The following LINGO2 variants were observed in gnomAD, a reference collection of about 807,000 sequenced individuals.
LINGO2 encodes the protein leucine-rich repeat and immunoglobulin-like domain-containing nogo receptor-interacting protein 2.
LINGO2 carries 14 observed loss-of-function variants against 30.6 expected under a neutral mutation model. That is an observed-to-expected ratio of 0.46 (90% CI 0.30 to 0.72). The LOEUF is 0.72. Among genes scored for constraint, LINGO2 ranks in the 30% least tolerant of loss-of-function variants. The pLI is 0.07. For synonymous variants in LINGO2, 317 were observed against 288.5 expected (o/e 1.10, Z -1.00); for missense variants, 729 against 751.7 (o/e 0.97, Z 0.35).
intron 1 of LINGO2, among the ~76,000 whole-genome samples, chr9:28,553,873 C>A (rs976425679): frequency 1.3e-5 from 2 of 151,928 alleles, no homozygotes; most frequent in Non-Finnish European, 2.9e-5. Flanking sequence ...AATTTTCGAC[C>A]CAGAATTTCA....
intron 1 of LINGO2, among the ~76,000 whole-genome samples, chr9:28,495,556 G>A (rs1819579912): frequency 6.6e-6 from 1 of 151,976 alleles, no homozygotes; most frequent in South Asian, 2.1e-4. Context: ...TGAGGGCTCT[G>A]TTCTGTTCCA....
At chr9:28,253,221 C>G (rs1296947847) in intron 4 of LINGO2, among the ~76,000 whole-genome samples, 1 of 152,050 alleles carries the variant, frequency 6.6e-6, no homozygotes, top group Non-Finnish European at 1.5e-5. Context: ...TATTAGAGTA[C>G]AGTTTCATTA....
Position 28,496,042 on chromosome 9 carries a change from C to A in LINGO2, c.-364-20017G>T, listed in dbSNP as rs190703231. Among the ~76,000 whole-genome samples, 2 of 150,408 alleles carry A rather than the reference C, an allele frequency of 1.3e-5. 1 individual carries two copies. The highest frequency in any genetic ancestry group is 4.0e-4 in the East Asian group (2 of 4,982). On this transcript the variant is annotated intron_variant, in intron 1 of 5. Transcript: ENST00000379992. The stretch of plus-strand genomic sequence containing the variant: ...CTGAGAGACAGTTTGTTATAATTTC[C>A]ATTCTTTTACATTTGCTGAGGAGTG...
intron 4 of LINGO2, among the ~76,000 whole-genome samples, chr9:28,077,504 A>G (rs1170183186): frequency 6.6e-6 from 1 of 152,172 alleles, no homozygotes; most frequent in African/African-American, 2.4e-5. Flanking sequence ...ACTTAAAACT[A>G]TTATTAAGTC....
intron 5 of LINGO2, among the ~76,000 whole-genome samples, chr9:27,953,313 G>A (rs981002815): frequency 5.3e-5 from 8 of 151,888 alleles, no homozygotes; most frequent in African/African-American, 1.9e-4. Flanking sequence ...GAAAATAAGC[G>A]AACTACTATA....
chr9:28,451,198 T>C (rs1824635535), intron 2 of LINGO2, among the ~76,000 whole-genome samples: 1 of 151,928 alleles, frequency 6.6e-6, no homozygotes, highest in Non-Finnish European at 1.5e-5. Context: ...TTGGGTATAA[T>C]GTTTCAATAA....
the LINGO2 span, among the ~76,000 whole-genome samples, chr9:28,848,330 T>G: frequency 3.5e-5 from 4 of 115,356 alleles, no homozygotes; most frequent in African/African-American, 1.6e-4. Context: ...TGTATATATA[T>G]ACATATATAG....
intron 4 of LINGO2, among the ~76,000 whole-genome samples, chr9:28,142,958 G>C (rs1827715516): frequency 1.3e-5 from 2 of 152,088 alleles, no homozygotes; most frequent in Admixed American, 1.3e-4. Flanking sequence ...CTGGTCTATG[G>C]GGAGTTTTGT....
At chr9:28,328,728 C>A (rs1203598480) in intron 3 of LINGO2, among the ~76,000 whole-genome samples, 1 of 152,080 alleles carries the variant, frequency 6.6e-6, no homozygotes, top group Admixed American at 6.6e-5. Context: ...ATGCAATGTA[C>A]ATAAAAATAT....
chr9:28,078,895 AGTGGG>A (rs1825699472), intron 4 of LINGO2, among the ~76,000 whole-genome samples: 1 of 148,482 alleles, frequency 6.7e-6, no homozygotes, highest in South Asian at 2.1e-4. Flanking sequence ...TTATAGGCCA[AGTGGG>A]AGCACATTTC....
chr9:28,071,187 G>A (rs940427866), intron 4 of LINGO2, among the ~76,000 whole-genome samples: 5 of 152,126 alleles, frequency 3.3e-5, no homozygotes, highest in African/African-American at 1.2e-4. Flanking sequence ...GCAGTTTACT[G>A]CTATTGGTGC....
chr9:28,420,867 C>A (rs577610246), intron 2 of LINGO2, among the ~76,000 whole-genome samples: 1 of 151,788 alleles, frequency 6.6e-6, no homozygotes, highest in African/African-American at 2.4e-5. Flanking sequence ...GTGGCCATGT[C>A]GAGAGGGACT....
chr9:29,189,455 G>T, the LINGO2 span, among the ~76,000 whole-genome samples: 1 of 151,702 alleles, frequency 6.6e-6, no homozygotes, highest in South Asian at 2.1e-4. Flanking sequence ...TCCCAGACGG[G>T]GTCGCGCCGG....
chr9:28,626,210 T>C (rs1463459814), intron 1 of LINGO2, among the ~76,000 whole-genome samples: 1 of 152,156 alleles, frequency 6.6e-6, no homozygotes, highest in African/African-American at 2.4e-5. Context: ...TTAGCCATTA[T>C]CACTTTTTGT....
rs772157537 is a variant in LINGO2, at chr9:28,561,749, G to GTGTA, written c.-364-85725_-364-85724insTACA. 2.4e-3 allele frequency among the ~76,000 whole-genome samples: 118 copies of GTGTA among 48,714 alleles called. 14 individuals carry two copies. Among genetic ancestry groups the GTGTA allele is most frequent in the East Asian group, 0.011 (19 of 1,776 alleles). 32.0% of individuals were successfully genotyped at this position (48,714 alleles called of 152,430 possible). On this transcript the variant is annotated intron_variant, in intron 1 of 5. Coordinates refer to ENST00000379992, the Ensembl canonical transcript of LINGO2. ...TATATATAATTTTGTGTGTGTGTGTGTATATATATATATATATATATATAT... is the reference window on the plus strand; with the variant it reads ...TATATATAATTTTGTGTGTGTGTGTGTGTATATATATATATATATATATATATAT...
At chr9:28,159,114 A>G (rs1828216587) in intron 4 of LINGO2, among the ~76,000 whole-genome samples, 1 of 152,208 alleles carries the variant, frequency 6.6e-6, no homozygotes, top group Admixed American at 6.5e-5. Context: ...AGACTGCTTT[A>G]TAAGGTATAA....
intron 2 of LINGO2, among the ~76,000 whole-genome samples, chr9:28,386,834 AAC>A (rs1821598560): frequency 6.6e-6 from 1 of 152,232 alleles, no homozygotes; most frequent in South Asian, 2.1e-4. Context: ...GGAAACATGA[AAC>A]AGTTATATTT....
At chr9:29,204,400 C>A in the LINGO2 span, among the ~76,000 whole-genome samples, 1 of 152,038 alleles carries the variant, frequency 6.6e-6, no homozygotes, top group East Asian at 1.9e-4. Context: ...CTTGTAAATT[C>A]TTTCTCATTA....
chr9:28,659,121 C>T (rs984815439), intron 1 of LINGO2, among the ~76,000 whole-genome samples: 3 of 151,972 alleles, frequency 2.0e-5, no homozygotes, highest in Non-Finnish European at 4.4e-5. Flanking sequence ...AAATTAAGGA[C>T]ATATTAGAAT....
Sources: allele counts gnomAD v4.1 joint callset (sites outside exome capture counted in the v4.1 genomes callset), GRCh38; gene constraint gnomAD v4.1.1; transcripts MANE v1.5; gene names NCBI Gene and HGNC (gene_info 2026-07-23, HGNC 2026-07-21).